Variants in POLR1B observed in about 807,000 individuals in gnomAD.
POLR1B encodes DNA-directed RNA polymerase I subunit RPA2.
Under a neutral mutation model 105.8 loss-of-function variants are expected in POLR1B, and 30 were observed. The observed-to-expected ratio is 0.28, with a 90% CI of 0.21 to 0.38. The LOEUF is 0.38. Among genes scored for constraint, POLR1B ranks in the 10% least tolerant of loss-of-function variants. The pLI, the probability that POLR1B is intolerant of heterozygous loss-of-function variation, is 1.00. For synonymous variants in POLR1B, 485 were observed against 505.1 expected, an observed-to-expected ratio of 0.96 and a Z score of 0.53; for missense variants, 976 against 1,435.8, an observed-to-expected ratio of 0.68 and a Z score of 5.17.
chr2:112,574,396 C>T (rs1184240496), intron 14 of POLR1B, among the ~76,000 whole-genome samples: 1 of 152,122 alleles, frequency 6.6e-6, no homozygotes, highest in Non-Finnish European at 1.5e-5. Context: ...TTCATACCAT[C>T]TCTGTTTGTA....
chr2:112,574,822 C>T (rs377430728), intron 14 of POLR1B, 25 bp from the exon 15 acceptor site: 2 of 1,576,898 alleles, frequency 1.3e-6, no homozygotes, highest in Non-Finnish European at 1.7e-6. Context: ...AATAGGTTGA[C>T]CTTATATGGT....
Position 112,575,756 on chromosome 2 carries a change from G to T in POLR1B, c.*27G>T. 6.3e-7 allele frequency: 1 copy of T among 1,586,960 alleles called. No homozygotes were observed. On this transcript the variant is annotated 3_prime_UTR_variant, in exon 15 of 15. Transcript: ENST00000263331. The surrounding 1 kb of genome is among the most constrained non-coding windows in gnomAD (Gnocchi z 5.3). ...TTGATGTTGACCTTTTGGATTAAGA[G>T]GACTATCAGATTAAAGCAAAATGTA...
At chr2:112,570,050 CTT>C (rs879626750) in intron 12 of POLR1B, among the ~76,000 whole-genome samples, 2 of 142,366 alleles carry the variant, frequency 1.4e-5, no homozygotes, top group Admixed American at 7.1e-5. Context: ...CAGATTGGAT[CTT>C]TTTTTTTTTT....
rs1238728664 is a variant in POLR1B at position 112,575,994 on chromosome 2, C to T, written c.*265C>T. Reference sequence around the variant, plus strand: ...TGATAAATGGAAGAGCATACGGTGACAAGTCTCCTTTCCAACCCCAGGTTC... The same window carrying T: ...TGATAAATGGAAGAGCATACGGTGATAAGTCTCCTTTCCAACCCCAGGTTC... On this transcript the variant is annotated 3_prime_UTR_variant, in exon 15 of 15. Transcript: ENST00000263331. The surrounding 1 kb of genome is among the most constrained non-coding windows in gnomAD (Gnocchi z 5.3). The T allele has an allele frequency of 7.0e-6, 3 of 430,230 alleles. No homozygotes were observed. In the East Asian group the frequency reaches 1.4e-4, roughly 21 times the overall value. The allele number at this position is 430,230 out of a possible 1,614,324, so 26.7% of individuals were successfully genotyped here.
rs762719659 is a variant in POLR1B, at chr2:112,547,161, C to G, written c.327C>G (p.Thr109=). ...YPAECRGRRS[T]YRGKLTADIN... ...CAGAATGCCGGGGCCGAAGGAGTAC[C>G]TACCGTGGGAAGTTGACAGTGAGTA... Residue 109 remains threonine, a synonymous_variant, in exon 2 of 15, where the codon ACC becomes ACG. Coordinates refer to ENST00000263331, the MANE Select transcript of POLR1B (RefSeq NM_019014.6). 1.2e-6 allele frequency: 2 copies of G among 1,614,124 alleles called. No homozygotes were observed. Among genetic ancestry groups the G allele is most frequent in the Admixed American group, 1.7e-5 (1 of 60,010 alleles).
Position 112,575,141 on chromosome 2 carries a change from G to A in POLR1B, c.2820G>A (p.Leu940=). 1 of 1,614,118 alleles carries A rather than the reference G, an allele frequency of 6.2e-7. No homozygotes were observed. Among genetic ancestry groups the A allele is most frequent in the Non-Finnish European group, 8.5e-7 (1 of 1,180,034 alleles). The change falls in exon 15 of 15, where the codon TTG becomes TTA. Residue 940 remains leucine (L), a synonymous_variant. Coordinates refer to ENST00000263331, the MANE Select transcript of POLR1B (RefSeq NM_019014.6). The surrounding 1 kb of genome is among the most constrained non-coding windows in gnomAD (Gnocchi z 5.3). ...IESMAGKSAA[L]HGLCHDATPF... ...GTATGGCCGGGAAGTCTGCAGCTTT[G>A]CATGGTCTCTGCCATGATGCTACAC... is the stretch of plus-strand genomic sequence containing the variant.
chr2:112,568,464 A>G (rs977925715), intron 11 of POLR1B, among the ~76,000 whole-genome samples: 26 of 152,214 alleles, frequency 1.7e-4, no homozygotes, highest in African/African-American at 6.3e-4. Flanking sequence ...CTTTGCCTAC[A>G]TATTTACAGT....
At chr2:112,549,097 T>TG (rs1683222621) in intron 3 of POLR1B, among the ~76,000 whole-genome samples, 170 bp from the exon 4 acceptor site, 3 of 152,222 alleles carry the variant, frequency 2.0e-5, no homozygotes, top group Admixed American at 1.3e-4. Flanking sequence ...GAGAAAACTG[T>TG]TAATTCACAC....
In POLR1B at chr2:112,547,170, G is replaced by C; in HGVS notation, c.336G>C (p.Gly112=). Residue 112 remains glycine, a synonymous_variant, in exon 2 of 15, where the codon GGG becomes GGC. Transcript: ENST00000263331. ...ECRGRRSTYR[G]KLTADINWAV... ...GGGGCCGAAGGAGTACCTACCGTGGGAAGTTGACAGTGAGTACTAGTGATA... is the reference window on the plus strand; with the variant it reads ...GGGGCCGAAGGAGTACCTACCGTGGCAAGTTGACAGTGAGTACTAGTGATA... 1 of 1,614,142 alleles carries C rather than the reference G, an allele frequency of 6.2e-7. No homozygotes were observed. The highest frequency in any genetic ancestry group is 1.1e-5 in the South Asian group (1 of 91,076).
chr2:112,543,549 G>A (rs538558243), intron 1 of POLR1B, among the ~76,000 whole-genome samples: 2 of 152,286 alleles, frequency 1.3e-5, no homozygotes, highest in Admixed American at 6.5e-5. Context: ...GGGAAGAGTA[G>A]AGCAGAGTCA....
chr2:112,553,133 A>G (rs771144970), intron 7 of POLR1B, among the ~76,000 whole-genome samples: 1 of 152,214 alleles, frequency 6.6e-6, no homozygotes, highest in Non-Finnish European at 1.5e-5. Context: ...GAATTCACTC[A>G]CTGGCTAAAA....
intron 5 of POLR1B, 151 bp from the exon 6 acceptor site, chr2:112,551,624 T>A (rs1683370390): frequency 3.0e-6 from 2 of 662,758 alleles, no homozygotes; most frequent in Non-Finnish European, 5.0e-6. Context: ...ATACAAAGAA[T>A]GCTTTATTTT....
chr2:112,566,757 G>T (rs1178621095), intron 10 of POLR1B, among the ~76,000 whole-genome samples: 3 of 148,222 alleles, frequency 2.0e-5, no homozygotes, highest in Admixed American at 6.7e-5. Context: ...TTTTGAGGCA[G>T]AGTCTCGCTC....
chr2:112,568,603 T>A lies in POLR1B; in HGVS notation c.1918-143T>A. 4.6e-6 allele frequency: 4 copies of A among 867,698 alleles called. 1 individual carries two copies. In the South Asian group the frequency reaches 7.3e-5, roughly 16 times the overall value. The allele number at this position is 867,698 out of a possible 1,614,324, so 53.7% of individuals were successfully genotyped here. On this transcript the variant is annotated intron_variant, in intron 11 of 14. Transcript: ENST00000263331. ...TTCTAACTGGTCGCTTCCCTGTGCT[T>A]CCCAGTTGATCCCTTCAGCACTCAT...
In POLR1B at chr2:112,575,423, A is replaced by G. The variant is rs1684816788; in HGVS notation, c.3102A>G (p.Gly1034=). 1 of 1,614,218 alleles carries G rather than the reference A, an allele frequency of 6.2e-7. No homozygotes were observed. Among genetic ancestry groups the G allele is most frequent in the South Asian group, 1.1e-5 (1 of 91,090 alleles). Residue 1034 remains glycine, a synonymous_variant, in exon 15 of 15, where the codon GGA becomes GGG. Transcript: ENST00000263331. This position sits in a 1 kb window ranked among gnomAD's most constrained non-coding sequence, Gnocchi z 5.3. The part of the protein sequence containing the change: ...QPIGGRNVQG[G]IRFGEMERDA... The stretch of plus-strand genomic sequence containing the variant: ...TTGGGGGAAGAAATGTCCAGGGTGG[A>G]ATCCGTTTTGGGGAGATGGAACGGG...
chr2:112,565,731 C>T (rs1684243825), intron 10 of POLR1B, among the ~76,000 whole-genome samples: 2 of 151,886 alleles, frequency 1.3e-5, no homozygotes, highest in African/African-American at 4.8e-5. Flanking sequence ...GCTACCCTGA[C>T]CCAGTCCTTT....
chr2:112,574,398 C>T (rs1684755161), intron 14 of POLR1B, among the ~76,000 whole-genome samples: 1 of 152,068 alleles, frequency 6.6e-6, no homozygotes, highest in African/African-American at 2.4e-5. Context: ...CATACCATCT[C>T]TGTTTGTATT....
At chr2:112,568,941 A>T (rs1480271776) in intron 12 of POLR1B, 39 bp downstream of exon 12, 5 of 1,578,318 alleles carry the variant, frequency 3.2e-6, no homozygotes, top group Non-Finnish European at 4.3e-6. Context: ...CAATCAGGAA[A>T]GTAAACTTGA....
At position 112,576,765 on chromosome 2, in the gene POLR1B, GGAAGACCCTGTCTT is replaced by G. The variant is rs1293832665; in HGVS notation, c.*1047_*1060del. ...GTTCAAGGACAGCCTGGGTAATATA[GGAAGACCCTGTCTT>G]GAAGACCCTGACCTCAAGTGATCCA... On this transcript the variant is annotated 3_prime_UTR_variant, in exon 15 of 15. Transcript: ENST00000263331. The G allele has an allele frequency of 7.9e-5, 12 of 152,254 alleles. No homozygotes were observed. The highest frequency in any genetic ancestry group is 3.4e-3 in the Middle Eastern group (1 of 294). 9.4% of individuals were successfully genotyped at this position (152,254 alleles called of 1,614,324 possible).
Sources: gnomAD v4.1 joint callset for allele counts (sites outside exome capture counted in the v4.1 genomes callset) on GRCh38, gnomAD v4.1.1 for gene constraint, Gnocchi (gnomAD v3.1) non-coding constraint, MANE v1.5 for transcripts, NCBI Gene and HGNC (gene_info 2026-07-23, HGNC 2026-07-21) for gene names.